Variants in TGIF1 observed in about 807,000 individuals in gnomAD.
TGIF1 encodes the protein homeobox protein TGIF1.
TGIF1 carries 4 observed loss-of-function variants against 19.3 expected under a neutral mutation model. The observed-to-expected ratio is 0.21, with a 90% confidence interval of 0.10 to 0.47. The LOEUF (loss-of-function observed/expected upper bound fraction) is 0.47. Among genes scored for constraint, TGIF1 ranks in the 20% least tolerant of loss-of-function variants. The probability of loss-of-function intolerance (pLI) is 0.98; values close to 1 mark genes in which losing one functional copy is unlikely to be tolerated. For synonymous variants in TGIF1, 122 were observed against 129.3 expected (o/e 0.94, Z 0.38); for missense variants, 275 against 341.4 (o/e 0.81, Z 1.53).
Position 3,459,935 on chromosome 18 carries a change from A to G in TGIF1, c.*1995A>G, listed in dbSNP as rs575672245. 8 of 152,346 alleles carry G rather than the reference A, an allele frequency of 5.3e-5. No individual in the cohort carries two copies. The highest frequency in any genetic ancestry group is 1.9e-4 in the African/African-American group (8 of 41,590). 9.4% of individuals were successfully genotyped at this position (152,346 alleles called of 1,614,324 possible). On this transcript the variant is annotated 3_prime_UTR_variant, in exon 3 of 3. Coordinates refer to ENST00000343820, the MANE Select transcript of TGIF1 (RefSeq NM_003244.4). ...CCAAATAGAAATGATTTTTATGCTT[A>G]TAATTTACATGGTGCAATATATCTT...
chr18:3,416,608 C>T (rs1370163205), intron 1 of TGIF1, among the ~76,000 whole-genome samples: 4 of 151,952 alleles, frequency 2.6e-5, no homozygotes, highest in Admixed American at 6.6e-5. Context: ...TTAGTTTATT[C>T]TCATGTTTGT....
chr18:3,452,816 A>G (rs2083021772), intron 1 of TGIF1, among the ~76,000 whole-genome samples: 2 of 152,156 alleles, frequency 1.3e-5, no homozygotes, highest in African/African-American at 4.8e-5. Context: ...AAGTTTTCTT[A>G]AAACAAGTGC....
chr18:3,426,919 T>C (rs2082477725), intron 2 of TGIF1, among the ~76,000 whole-genome samples: 4 of 136,120 alleles, frequency 2.9e-5, no homozygotes, highest in Admixed American at 2.8e-4. Flanking sequence ...ATGATCTCTT[T>C]TTTTTTTTTT....
In TGIF1 at chr18:3,456,119, C is replaced by A. The variant is rs1299451095; in HGVS notation, c.17-235C>A. 1.4e-5 allele frequency: 8 copies of A among 589,708 alleles called. No homozygotes were observed. Among genetic ancestry groups the A allele is most frequent in the Non-Finnish European group, 2.1e-5 (7 of 328,806 alleles). 36.5% of individuals were successfully genotyped at this position (589,708 alleles called of 1,614,324 possible). A position where few individuals can be genotyped will look rare whatever the true frequency, so the allele number is the denominator to read the frequency against. On this transcript the variant is annotated intron_variant, in intron 1 of 2. Coordinates refer to ENST00000343820, the MANE Select transcript of TGIF1 (RefSeq NM_003244.4). The surrounding 1 kb of genome is among the most constrained non-coding windows in gnomAD (Gnocchi z 4.2). ...AAAGGAATGTGAGAAGTTAATGAATCCTAGAGGAAAGCGGCTGAGAAAAGG... is the reference window on the plus strand; with the variant it reads ...AAAGGAATGTGAGAAGTTAATGAATACTAGAGGAAAGCGGCTGAGAAAAGG...
Position 3,413,130 on chromosome 18 carries a change from G to A in TGIF1, c.-118+876G>A, listed in dbSNP as rs181298406. Reference sequence around the variant, plus strand: ...ATATATGTAAATCTCAAATACATCCGGATTATTAATAGTGTAATGTCTACA... The same window carrying A: ...ATATATGTAAATCTCAAATACATCCAGATTATTAATAGTGTAATGTCTACA... On this transcript the variant is annotated intron_variant, in intron 1 of 3. Transcript: ENST00000401449. The A allele has an allele frequency of 2.0e-5, 3 of 152,236 alleles. No homozygotes were observed. In the East Asian group the frequency reaches 5.8e-4, roughly 29 times the overall value. The allele number at this position is 152,236 out of a possible 1,614,324, so 9.4% of individuals were successfully genotyped here.
intron 2 of TGIF1, among the ~76,000 whole-genome samples, chr18:3,422,296 T>TAAAAAAAAAA (rs34822467): frequency 2.5e-5 from 2 of 80,404 alleles, no homozygotes; most frequent in African/African-American, 3.6e-5. Flanking sequence ...GTTTAAAAAG[T>TAAAAAAAAAA]AAAAAAAAAA....
At chr18:3,442,966 G>T (rs890226548) in intron 2 of TGIF1, among the ~76,000 whole-genome samples, 1 of 152,160 alleles carries the variant, frequency 6.6e-6, no homozygotes, top group Admixed American at 6.5e-5. Context: ...ATTTTAAATA[G>T]GTAAGATCAT....
At chr18:3,439,943 C>T (rs1343618100) in intron 2 of TGIF1, among the ~76,000 whole-genome samples, 2 of 151,592 alleles carry the variant, frequency 1.3e-5, no homozygotes, top group Non-Finnish European at 1.5e-5. Context: ...ATCACCTGAG[C>T]CCAGGAGGTG....
At position 3,451,861 on chromosome 18, in the gene TGIF1, C is replaced by T; in HGVS notation, c.16+1356C>T. 4 of 1,408,094 alleles carry T rather than the reference C, an allele frequency of 2.8e-6. No individual in the cohort carries two copies. Among genetic ancestry groups the T allele is most frequent in the Non-Finnish European group, 3.7e-6 (4 of 1,080,874 alleles). The allele number at this position is 1,408,094 out of a possible 1,614,324, so 87.2% of individuals were successfully genotyped here. On this transcript the variant is annotated intron_variant, in intron 1 of 2. Coordinates refer to ENST00000343820, the MANE Select transcript of TGIF1 (RefSeq NM_003244.4). This position sits in a 1 kb window ranked among gnomAD's most constrained non-coding sequence, Gnocchi z 5.4. The stretch of plus-strand genomic sequence containing the variant: ...GCCCTGGGAGAAAACGCGCGGGGGG[C>T]GTCCGAGACGCCCCGTGAAAGCCGT...
At chr18:3,429,301 A>G (rs763974074) in intron 2 of TGIF1, among the ~76,000 whole-genome samples, 3 of 152,050 alleles carry the variant, frequency 2.0e-5, no homozygotes, top group Non-Finnish European at 4.4e-5. Context: ...TGCTCAAACA[A>G]TCCTCCCAAA....
intron 2 of TGIF1, among the ~76,000 whole-genome samples, chr18:3,439,989 C>T (rs2082662005): frequency 6.6e-6 from 1 of 151,350 alleles, no homozygotes; most frequent in Non-Finnish European, 1.5e-5. Flanking sequence ...CCACTGCACT[C>T]CAGCTTGGGC....
Position 3,457,460 on chromosome 18 carries a change from T to C in TGIF1, c.339T>C (p.Arg113=). ...CAAATCAGTTCACAATTTCCCGCCG[T>C]GGGGCCAAGATTTCTGAAACGAGCT... ...KDPNQFTISR[R]GAKISETSSV... is the part of the protein sequence containing the mutation. Residue 113 remains arginine, a synonymous_variant, in exon 3 of 3, where the codon CGT becomes CGC. Transcript: ENST00000343820. The surrounding 1 kb of genome is among the most constrained non-coding windows in gnomAD (Gnocchi z 4.9). 6.2e-7 allele frequency: 1 copy of C among 1,614,216 alleles called. No individual in the cohort carries two copies. The highest frequency in any genetic ancestry group is 8.5e-7 in the Non-Finnish European group (1 of 1,180,032).
At position 3,414,731 on chromosome 18, in the gene TGIF1, G is replaced by T. The variant is rs117142374; in HGVS notation, c.-118+2477G>T. ...GAAAACAGAAAATAAGGAATTTCAA[G>T]AATTTTTTTTCATCAAAACCCCATA... is the stretch of plus-strand genomic sequence containing the variant. On this transcript the variant is annotated intron_variant, in intron 1 of 3. Transcript: ENST00000401449. 3.9e-4 allele frequency among the ~76,000 whole-genome samples: 59 copies of T among 152,140 alleles called. 1 individual carries two copies. The East Asian group carries it at 0.01, about 27-fold the overall frequency.
At chr18:3,432,144 A>AAAAAAAAAAAAAAAAAAAAAAAAAAG in intron 2 of TGIF1, among the ~76,000 whole-genome samples, 1 of 138,464 alleles carries the variant, frequency 7.2e-6, no homozygotes, top group Non-Finnish European at 1.5e-5. Context: ...AAAAAAAAAA[A>AAAAAAAAAAAAAAAAAAAAAAAAAAG]CACTAAGAAA....
intron 1 of TGIF1, chr18:3,455,422 T>TA (rs1314609538): frequency 6.6e-6 from 1 of 152,224 alleles, no homozygotes; most frequent in African/African-American, 2.4e-5. Context: ...TTAAAGTACT[T>TA]ACAGCCAAAA....
At chr18:3,430,344 C>T (rs1281153407) in intron 2 of TGIF1, among the ~76,000 whole-genome samples, 1 of 152,048 alleles carries the variant, frequency 6.6e-6, no homozygotes, top group African/African-American at 2.4e-5. Flanking sequence ...TAAAACAATG[C>T]TATCCTTCTT....
In TGIF1 at chr18:3,451,581, G is replaced by T. The variant is rs1031344410; in HGVS notation, c.16+1076G>T. 28 of 1,030,932 alleles carry T rather than the reference G, an allele frequency of 2.7e-5. No homozygotes were observed. The highest frequency in any genetic ancestry group is 3.3e-5 in the Non-Finnish European group (28 of 860,440). The allele number at this position is 1,030,932 out of a possible 1,614,324, so 63.9% of individuals were successfully genotyped here. A position where few individuals can be genotyped will look rare whatever the true frequency, so the allele number is the denominator to read the frequency against. On this transcript the variant is annotated intron_variant, in intron 1 of 2. Coordinates refer to ENST00000343820, the MANE Select transcript of TGIF1 (RefSeq NM_003244.4). The surrounding 1 kb of genome is among the most constrained non-coding windows in gnomAD (Gnocchi z 5.4). ...TGCGCATGCCCGGGAGCCGCCTGGAGTTTGGAACTCCACATTCTTTCAGAC... is the reference window on the plus strand; with the variant it reads ...TGCGCATGCCCGGGAGCCGCCTGGATTTTGGAACTCCACATTCTTTCAGAC...
At chr18:3,441,706 G>A (rs1334483701) in intron 2 of TGIF1, among the ~76,000 whole-genome samples, 1 of 152,158 alleles carries the variant, frequency 6.6e-6, no homozygotes, top group Non-Finnish European at 1.5e-5. Context: ...GGAGTGAAAT[G>A]GAGATTTAGC....
upstream of TGIF1, among the ~76,000 whole-genome samples, chr18:3,446,574 G>A (rs951363278): frequency 1.3e-5 from 2 of 152,222 alleles, no homozygotes; most frequent in African/African-American, 4.8e-5. Flanking sequence ...GGGCCGGGAA[G>A]GGAAGTGCAG....
Sources: gnomAD v4.1 joint callset for allele counts (sites outside exome capture counted in the v4.1 genomes callset) on GRCh38, gnomAD v4.1.1 for gene constraint, Gnocchi (gnomAD v3.1) non-coding constraint, MANE v1.5 for transcripts, NCBI Gene and HGNC (gene_info 2026-07-23, HGNC 2026-07-21) for gene names.